The following ALPK2 variants were observed in gnomAD, a reference collection of about 807,000 sequenced individuals.
ALPK2 encodes the protein alpha kinase 2.
ALPK2 carries 127 observed loss-of-function variants against 163.1 expected under a neutral mutation model. The ratio of observed to expected loss-of-function variants is 0.78; its 90% CI spans 0.67 to 0.90. ALPK2 has a LOEUF of 0.90. Among genes scored for constraint, ALPK2 ranks in the 40% least tolerant of loss-of-function variants. The probability of loss-of-function intolerance (pLI) is 0.00; values close to 1 mark genes in which losing one functional copy is unlikely to be tolerated. For missense variants in ALPK2, 2,360 were observed against 2,589.6 expected (o/e 0.91, Z 1.92); for synonymous variants, 953 against 959.1 (o/e 0.99, Z 0.12).
At chr18:58,567,675 GT>G (rs2051863592) in intron 4 of ALPK2, among the ~76,000 whole-genome samples, 1 of 152,206 alleles carries the variant, frequency 6.6e-6, no homozygotes, top group Admixed American at 6.5e-5. Context: ...TTCATACGCA[GT>G]TTTTCTTTGG....
At chr18:58,596,493 A>C (rs1457367407) in intron 3 of ALPK2, among the ~76,000 whole-genome samples, 4 of 152,086 alleles carry the variant, frequency 2.6e-5, no homozygotes, top group Non-Finnish European at 5.9e-5. Context: ...CTGCTGCAGC[A>C]GCCGCCGCAG....
chr18:58,564,449 C>G (rs1417303936), intron 4 of ALPK2, among the ~76,000 whole-genome samples: 1 of 151,970 alleles, frequency 6.6e-6, no homozygotes, highest in East Asian at 1.9e-4. Context: ...AGCTATTCAT[C>G]TTTTCTTACA....
chr18:58,502,134 CCACACACACACACACACACA>C (rs71173056), intron 11 of ALPK2, among the ~76,000 whole-genome samples: 11 of 118,830 alleles, frequency 9.3e-5, no homozygotes, highest in African/African-American at 1.7e-4. Flanking sequence ...AACCCCATCT[CCACACACACACACACACACA>C]CACACACACA....
chr18:58,613,713 ATAATAATAAT>A (rs2052148780), intron 1 of ALPK2, among the ~76,000 whole-genome samples: 1 of 67,158 alleles, frequency 1.5e-5, no homozygotes, highest in African/African-American at 7.1e-5. Context: ...AAAAAAAATA[ATAATAATAAT>A]AATAATAATA....
chr18:58,494,649 C>T (rs564333593), intron 12 of ALPK2, among the ~76,000 whole-genome samples: 14 of 152,142 alleles, frequency 9.2e-5, no homozygotes, highest in South Asian at 2.1e-4. Flanking sequence ...AGGTACCAGC[C>T]CCCCCATAGA....
intron 8 of ALPK2, among the ~76,000 whole-genome samples, chr18:58,521,625 C>CTTTTTTTTTTGTTTT (rs1375364902): frequency 2.0e-5 from 1 of 50,560 alleles, no homozygotes; most frequent in Non-Finnish European, 4.0e-5. Context: ...CTTTCTCTCT[C>CTTTTTTTTTTGTTTT]TCTTTTTTTT....
At chr18:58,501,309 G>A (rs12954360) in intron 11 of ALPK2, among the ~76,000 whole-genome samples, 13 of 152,026 alleles carry the variant, frequency 8.6e-5, no homozygotes, top group East Asian at 5.8e-4. Flanking sequence ...AAATTAATTC[G>A]CAAGGAGAAA....
chr18:58,520,650 T>C (rs1442682257), intron 8 of ALPK2, among the ~76,000 whole-genome samples: 1 of 152,118 alleles, frequency 6.6e-6, no homozygotes, highest in Non-Finnish European at 1.5e-5. Flanking sequence ...AATCTACAAA[T>C]ATATTCATAA....
At chr18:58,493,003 A>G (rs1028113336) in intron 12 of ALPK2, among the ~76,000 whole-genome samples, 2 of 152,150 alleles carry the variant, frequency 1.3e-5, no homozygotes, top group African/African-American at 4.8e-5. Flanking sequence ...AAACTTCCTT[A>G]ATGGCAAAGA....
rs1308295086 is a variant in ALPK2, at chr18:58,608,768, A to G, written c.110-1329T>C. Among the ~76,000 whole-genome samples the G allele has an allele frequency of 2.0e-5, 3 of 152,222 alleles. No homozygotes were observed. The South Asian group carries it at 6.2e-4, about 32-fold the overall frequency. The stretch of plus-strand genomic sequence containing the variant: ...GGCATTTAAGACCAGTCTGGGCCAC[A>G]TGGCAAAACCTCATCTCTAGAAACA... On this transcript the variant is annotated intron_variant, in intron 2 of 12. Coordinates refer to ENST00000361673, the MANE Select transcript of ALPK2 (RefSeq NM_052947.4).
At chr18:58,570,890 G>A (rs2051882465) in intron 4 of ALPK2, among the ~76,000 whole-genome samples, 1 of 152,142 alleles carries the variant, frequency 6.6e-6, no homozygotes, top group Admixed American at 6.5e-5. Flanking sequence ...GCTGATGGGG[G>A]CACCTCTTTC....
intron 4 of ALPK2, among the ~76,000 whole-genome samples, chr18:58,550,959 C>T (rs762216331): frequency 1.3e-5 from 2 of 151,630 alleles, no homozygotes. Flanking sequence ...CCACCTCCAT[C>T]ACATACAACC....
chr18:58,559,513 C>T (rs763488828), intron 4 of ALPK2, among the ~76,000 whole-genome samples: 1 of 152,186 alleles, frequency 6.6e-6, no homozygotes, highest in Non-Finnish European at 1.5e-5. Context: ...CTCCTGGAGT[C>T]CACCCCATCA....
chr18:58,555,019 C>G (rs1294914264), intron 4 of ALPK2, among the ~76,000 whole-genome samples: 1 of 152,176 alleles, frequency 6.6e-6, no homozygotes, highest in African/African-American at 2.4e-5. Context: ...ATTGTGAGGT[C>G]TTCTTAGCCA....
chr18:58,551,840 G>A (rs2051761668), intron 4 of ALPK2, among the ~76,000 whole-genome samples: 1 of 152,178 alleles, frequency 6.6e-6, no homozygotes, highest in South Asian at 2.1e-4. Flanking sequence ...CAGGCTTCCA[G>A]ACCCTGCAGT....
intron 4 of ALPK2, among the ~76,000 whole-genome samples, chr18:58,556,395 T>C (rs770775391): frequency 1.3e-5 from 2 of 152,198 alleles, no homozygotes; most frequent in Non-Finnish European, 2.9e-5. Context: ...GTCAGCAGCC[T>C]GCATTCAAAG....
intron 1 of ALPK2, among the ~76,000 whole-genome samples, chr18:58,616,814 T>G (rs1254465255): frequency 6.6e-6 from 1 of 152,192 alleles, no homozygotes; most frequent in East Asian, 1.9e-4. Flanking sequence ...CTCTGGCAAA[T>G]TAACCCCAAG....
intron 3 of ALPK2, among the ~76,000 whole-genome samples, chr18:58,588,599 G>A (rs565751296): frequency 2.6e-5 from 4 of 152,128 alleles, no homozygotes; most frequent in Admixed American, 2.0e-4. Flanking sequence ...CCTGTCCACC[G>A]ACAGGCCCCA....
intron 3 of ALPK2, among the ~76,000 whole-genome samples, chr18:58,602,270 G>A (rs1016510835): frequency 6.6e-6 from 1 of 152,194 alleles, no homozygotes; most frequent in Middle Eastern, 3.2e-3. Context: ...TAGGCAAAAA[G>A]CCCTGCCTCT....
Sources: gnomAD v4.1 joint callset for allele counts (sites outside exome capture counted in the v4.1 genomes callset) on GRCh38, gnomAD v4.1.1 for gene constraint, MANE v1.5 for transcripts, NCBI Gene and HGNC (gene_info 2026-07-23, HGNC 2026-07-21) for gene names.